The following ASCC3 variants were observed in gnomAD, a reference collection of about 807,000 sequenced individuals.
The protein encoded by ASCC3 is activating signal cointegrator 1 complex subunit 3, also known as ASC-1 complex subunit P200.
A neutral mutation model predicts 256.3 loss-of-function variants in ASCC3; 158 were observed. That is an observed-to-expected ratio of 0.62 (90% CI 0.54 to 0.70). ASCC3 has a LOEUF of 0.70. Among genes scored for constraint, ASCC3 ranks in the 30% least tolerant of loss-of-function variants. The pLI is 0.00. For missense variants in ASCC3, 2,259 were observed against 2,626.0 expected, an observed-to-expected ratio of 0.86 and a Z score of 3.05; for synonymous variants, 948 against 883.4, an observed-to-expected ratio of 1.07 and a Z score of -1.30.
intron 4 of ASCC3, among the ~76,000 whole-genome samples, chr6:100,836,205 A>G (rs2114472803): frequency 6.6e-6 from 1 of 152,142 alleles, no homozygotes; most frequent in African/African-American, 2.4e-5. Flanking sequence ...AACGGGGACA[A>G]TTTAACTCCT....
chr6:100,749,979 T>C (rs1334969852), intron 10 of ASCC3, among the ~76,000 whole-genome samples: 1 of 151,864 alleles, frequency 6.6e-6, no homozygotes, highest in Non-Finnish European at 1.5e-5. Flanking sequence ...CTCTCTACAA[T>C]TCCTTTAATT....
intron 37 of ASCC3, among the ~76,000 whole-genome samples, chr6:100,533,672 A>G (rs1775023921): frequency 6.6e-6 from 1 of 152,344 alleles, no homozygotes; most frequent in Admixed American, 6.5e-5. Flanking sequence ...CTCTTTTTGC[A>G]TAACACATAT....
At chr6:100,564,984 T>A (rs1356486860) in intron 36 of ASCC3, among the ~76,000 whole-genome samples, 2 of 152,198 alleles carry the variant, frequency 1.3e-5, no homozygotes. Context: ...CTATATTTTA[T>A]AAATACTTAG....
At chr6:100,803,717 G>A (rs1327155233) in intron 5 of ASCC3, among the ~76,000 whole-genome samples, 1 of 152,090 alleles carries the variant, frequency 6.6e-6, no homozygotes, top group African/African-American at 2.4e-5. Flanking sequence ...AAGGCTCTGA[G>A]AACATGTATT....
chr6:100,833,877 A>G (rs1771747787), intron 4 of ASCC3, among the ~76,000 whole-genome samples: 1 of 152,160 alleles, frequency 6.6e-6, no homozygotes, highest in African/African-American at 2.4e-5. Context: ...CAGGAGTTTG[A>G]GACCAGCATG....
intron 36 of ASCC3, among the ~76,000 whole-genome samples, chr6:100,546,399 G>A (rs902870177): frequency 1.3e-5 from 2 of 152,110 alleles, no homozygotes; most frequent in African/African-American, 4.8e-5. Flanking sequence ...AAATGTAAAG[G>A]ACCTAGAATA....
chr6:100,722,443 A>C (rs1779386278), intron 11 of ASCC3, among the ~76,000 whole-genome samples: 1 of 151,738 alleles, frequency 6.6e-6, no homozygotes, highest in Non-Finnish European at 1.5e-5. Context: ...CTGAATCTAA[A>C]ATAATAGTTG....
intron 14 of ASCC3, among the ~76,000 whole-genome samples, chr6:100,672,743 C>G (rs1383923882): frequency 2.6e-5 from 4 of 152,000 alleles, no homozygotes; most frequent in African/African-American, 9.7e-5. Flanking sequence ...CTAATAAGTA[C>G]CTAATTTCTT....
At chr6:100,658,743 A>T (rs1029875410) in intron 16 of ASCC3, among the ~76,000 whole-genome samples, 2 of 151,494 alleles carry the variant, frequency 1.3e-5, no homozygotes, top group African/African-American at 4.8e-5. Flanking sequence ...CCAGAATTAC[A>T]AGGTCGTTCA....
At chr6:100,706,365 T>G (rs1778580236) in intron 13 of ASCC3, among the ~76,000 whole-genome samples, 1 of 151,084 alleles carries the variant, frequency 6.6e-6, no homozygotes, top group African/African-American at 2.4e-5. Context: ...CAAAAACTAT[T>G]CTACCGGGAA....
chr6:100,650,338 T>C (rs377112708), intron 20 of ASCC3, among the ~76,000 whole-genome samples, 200 bp downstream of exon 20: 24 of 151,838 alleles, frequency 1.6e-4, no homozygotes, highest in African/African-American at 5.1e-4. Context: ...GCCCTATCAG[T>C]CACCAAATCT....
intron 5 of ASCC3, among the ~76,000 whole-genome samples, chr6:100,801,649 T>C (rs1023244613): frequency 4.6e-5 from 7 of 151,922 alleles, no homozygotes; most frequent in Non-Finnish European, 7.4e-5. Flanking sequence ...TAAAATAAAA[T>C]CCCATCTATA....
intron 4 of ASCC3, among the ~76,000 whole-genome samples, chr6:100,834,268 A>C (rs1213725821): frequency 6.6e-6 from 1 of 152,244 alleles, no homozygotes; most frequent in Non-Finnish European, 1.5e-5. Flanking sequence ...CATACAATAA[A>C]AATGCTTAGA....
chr6:100,693,962 T>C (rs1169938193), intron 13 of ASCC3, among the ~76,000 whole-genome samples: 1 of 152,058 alleles, frequency 6.6e-6, no homozygotes, highest in Non-Finnish European at 1.5e-5. Flanking sequence ...TTCTCCCTAC[T>C]CCTAACCTCA....
chr6:100,733,824 A>C (rs1488833828), intron 10 of ASCC3, among the ~76,000 whole-genome samples: 5 of 152,198 alleles, frequency 3.3e-5, no homozygotes, highest in African/African-American at 1.2e-4. Context: ...AAAGCATTCA[A>C]ATCACAAAGA....
In ASCC3 at chr6:100,798,808, T is replaced by C. The variant is rs748604352; in HGVS notation, c.1300A>G (p.Asn434Asp). 7 of 1,612,792 alleles carry C rather than the reference T, an allele frequency of 4.3e-6. No individual in the cohort carries two copies. Among genetic ancestry groups the C allele is most frequent in the Non-Finnish European group, 5.9e-6 (7 of 1,179,446 alleles). The change falls in exon 8 of 42, where the codon AAT (asparagine) becomes GAT (aspartate). Residue 434 changes from asparagine to aspartate, a missense_variant. Asn to Asp is a conservative substitution (Grantham distance 23). Around this residue, in one of 2 missense-constraint regions of ASCC3, gnomAD observed 1,839 missense variants for 2,206.7 expected, o/e 0.83. Coordinates refer to ENST00000369162, the MANE Select transcript of ASCC3 (RefSeq NM_006828.4). ...CTTACTTCTTCATAAAGCTTGTTATTCTCTCTTTGGATTCCTTCTGGCAAA... is the reference window on the plus strand; with the variant it reads ...CTTACTTCTTCATAAAGCTTGTTATCCTCTCTTTGGATTCCTTCTGGCAAA... ...MILPEGIQRE[N>D]NKLYEEVRIP...
At chr6:100,833,889 C>T (rs536087185) in intron 4 of ASCC3, among the ~76,000 whole-genome samples, 2 of 152,180 alleles carry the variant, frequency 1.3e-5, no homozygotes, top group East Asian at 1.9e-4. Context: ...ACCAGCATGG[C>T]CAACATGTCA....
intron 36 of ASCC3, among the ~76,000 whole-genome samples, chr6:100,562,328 C>T (rs747691904): frequency 6.6e-6 from 1 of 151,986 alleles, no homozygotes; most frequent in Non-Finnish European, 1.5e-5. Flanking sequence ...CAAAAGGTAT[C>T]ACTGGAAATT....
chr6:100,732,994 T>G (rs1779981980), intron 10 of ASCC3, among the ~76,000 whole-genome samples: 1 of 152,214 alleles, frequency 6.6e-6, no homozygotes, highest in African/African-American at 2.4e-5. Flanking sequence ...TATTTGCTAT[T>G]GGTTTTGAAG....
Sources: allele counts gnomAD v4.1 joint callset (sites outside exome capture counted in the v4.1 genomes callset), GRCh38; gene constraint gnomAD v4.1.1; regional missense constraint gnomAD v4.1.1; transcripts MANE v1.5; gene names NCBI Gene and HGNC (gene_info 2026-07-23, HGNC 2026-07-21).